Variants in PDIA3 observed in about 807,000 individuals in gnomAD.
PDIA3 encodes the protein protein disulfide-isomerase A3.
A neutral mutation model predicts 56.9 loss-of-function variants in PDIA3; 16 were observed. That is an observed-to-expected ratio of 0.28 (90% CI 0.19 to 0.43). PDIA3 has a LOEUF of 0.43. PDIA3 is among the 20% of genes least tolerant of loss of function. The pLI, the probability that PDIA3 is intolerant of heterozygous loss-of-function variation, is 1.00. For missense variants in PDIA3, 485 were observed against 621.3 expected, an observed-to-expected ratio of 0.78 and a Z score of 2.33; for synonymous variants, 192 against 216.5, an observed-to-expected ratio of 0.89 and a Z score of 0.99.
chr15:43,751,146 A>T lies in PDIA3; in HGVS notation c.168-2678A>T, dbSNP rs201556703. Among the ~76,000 whole-genome samples the T allele has an allele frequency of 7.8e-3, 1,030 of 131,558 alleles. 22 individuals carry two copies. Among genetic ancestry groups the T allele is most frequent in the African/African-American group, 0.022 (896 of 40,196 alleles). The allele number at this position is 131,558 out of a possible 152,430, so 86.3% of individuals were successfully genotyped here. A position where few individuals can be genotyped will look rare whatever the true frequency, so the allele number is the denominator to read the frequency against. On this transcript the variant is annotated intron_variant, in intron 1 of 12. Coordinates refer to ENST00000300289, the MANE Select transcript of PDIA3 (RefSeq NM_005313.5). ...GACTCCGTCTCGAAAAAAAAAAAAAAAATAATATATGTGCTAATTTCTTTA... is the reference window on the plus strand; with the variant it reads ...GACTCCGTCTCGAAAAAAAAAAAAATAATAATATATGTGCTAATTTCTTTA...
chr15:43,763,108 C>G lies in PDIA3; in HGVS notation c.504C>G (p.His168Gln), dbSNP rs1181031552. Reference sequence around the variant, plus strand: ...TCGATGATTCATTCAGTGAGGCTCACTCCGAGTTCCTAAAAGCAGCCAGCA... The same window carrying G: ...TCGATGATTCATTCAGTGAGGCTCAGTCCGAGTTCCTAAAAGCAGCCAGCA... ...GFFDDSFSEA[H>Q]SEFLKAASNL... Residue 168 changes from histidine (H) to glutamine (Q), a missense_variant, in exon 5 of 13, where the codon CAC (histidine) becomes CAG (glutamine). His to Gln is a conservative substitution (Grantham distance 24). Transcript: ENST00000300289. The G allele has an allele frequency of 6.2e-7, 1 of 1,614,120 alleles. No homozygotes were observed. The highest frequency in any genetic ancestry group is 1.1e-5 in the South Asian group (1 of 91,084).
intron 9 of PDIA3, 111 bp downstream of exon 9, chr15:43,768,708 T>G: frequency 1.4e-6 from 1 of 711,104 alleles, no homozygotes; most frequent in Non-Finnish European, 2.4e-6. Flanking sequence ...TTTTTTTTTT[T>G]GTCCTTACTC....
intron 1 of PDIA3, chr15:43,747,224 A>C (rs971292283): frequency 1.3e-5 from 2 of 154,760 alleles, no homozygotes; most frequent in African/African-American, 4.8e-5. Context: ...TTCTTGAGGC[A>C]GGTAATTTGT....
In PDIA3 at chr15:43,756,758, G is replaced by C; in HGVS notation, c.356G>C (p.Arg119Thr). Residue 119 changes from arginine (R) to threonine (T), a missense_variant, in exon 3 of 13, where the codon AGG becomes ACG. Arg to Thr is a moderately conservative substitution (Grantham distance 71). Coordinates refer to ENST00000300289, the MANE Select transcript of PDIA3 (RefSeq NM_005313.5). Reference sequence around the variant, plus strand: ...GAAGCAGGTGCTTATGATGGACCTAGGACTGCTGGTAAGGATCCTGAATTA... The same window carrying C: ...GAAGCAGGTGCTTATGATGGACCTACGACTGCTGGTAAGGATCCTGAATTA... The part of the protein sequence containing the change: ...GEEAGAYDGP[R>T]TADGIVSHLK... 1 of 1,551,212 alleles carries C rather than the reference G, an allele frequency of 6.4e-7. No homozygotes were observed. Among genetic ancestry groups the C allele is most frequent in the Non-Finnish European group, 8.9e-7 (1 of 1,125,126 alleles).
chr15:43,751,317 C>G (rs907977577), intron 1 of PDIA3, among the ~76,000 whole-genome samples: 4 of 151,768 alleles, frequency 2.6e-5, no homozygotes, highest in African/African-American at 9.7e-5. Flanking sequence ...ACTGGTGTTC[C>G]TATAAGGAAA....
At chr15:43,756,144 A>G (rs1222114193) in intron 2 of PDIA3, among the ~76,000 whole-genome samples, 1 of 152,150 alleles carries the variant, frequency 6.6e-6, no homozygotes, top group Non-Finnish European at 1.5e-5. Context: ...TAGATCGGTT[A>G]TGTTATGGTA....
In PDIA3 at chr15:43,769,541, T is replaced by A; in HGVS notation, c.1161T>A (p.Asp387Glu). The A allele has an allele frequency of 6.2e-7, 1 of 1,613,136 alleles. No individual in the cohort carries two copies. Among genetic ancestry groups the A allele is most frequent in the Non-Finnish European group, 8.5e-7 (1 of 1,179,052 alleles). The change falls in exon 10 of 13, where the codon GAT (aspartate) becomes GAA (glutamate). Residue 387 changes from aspartate to glutamate, a missense_variant. Coordinates refer to ENST00000300289, the MANE Select transcript of PDIA3 (RefSeq NM_005313.5). The stretch of plus-strand genomic sequence containing the variant: ...AGGTAGTGGTAGCAGAGAATTTTGA[T>A]GAAATAGTGAATAATGAAAATAAAG... The part of the protein sequence containing the change: ...PVKVVVAENF[D>E]EIVNNENKDV...
At chr15:43,757,414 C>T (rs1037406805) in intron 3 of PDIA3, among the ~76,000 whole-genome samples, 3 of 151,548 alleles carry the variant, frequency 2.0e-5, no homozygotes, top group East Asian at 1.9e-4. Flanking sequence ...AAAAATTAGC[C>T]GGGCGTGGTG....
chr15:43,763,810 AG>A (rs2086832466), intron 5 of PDIA3, among the ~76,000 whole-genome samples: 1 of 151,562 alleles, frequency 6.6e-6, no homozygotes, highest in Non-Finnish European at 1.5e-5. Flanking sequence ...ATATTCATAG[AG>A]GGGGTGACTC....
chr15:43,759,904 A>T (rs549930586), intron 3 of PDIA3, among the ~76,000 whole-genome samples: 1 of 152,146 alleles, frequency 6.6e-6, no homozygotes, highest in Non-Finnish European at 1.5e-5. Context: ...ACCAGCCAAC[A>T]TAGTGAAACC....
In PDIA3 at chr15:43,771,454, A is replaced by C; in HGVS notation, c.*236A>C. On this transcript the variant is annotated 3_prime_UTR_variant, in exon 13 of 13. Coordinates refer to ENST00000300289, the MANE Select transcript of PDIA3 (RefSeq NM_005313.5). ...GGAAAAATTATTTGTGTTGGGGGAA[A>C]TGTTGTGGGGGTGGGGTTGAGTTGG... 2.5e-6 allele frequency: 1 copy of C among 404,440 alleles called. No homozygotes were observed. Among genetic ancestry groups the C allele is most frequent in the Non-Finnish European group, 4.3e-6 (1 of 232,884 alleles). The allele number at this position is 404,440 out of a possible 1,614,324, so 25.1% of individuals were successfully genotyped here. A position where few individuals can be genotyped will look rare whatever the true frequency, so the allele number is the denominator to read the frequency against.
chr15:43,749,623 T>C (rs1235434436), intron 1 of PDIA3, among the ~76,000 whole-genome samples: 3 of 151,976 alleles, frequency 2.0e-5, no homozygotes, highest in Non-Finnish European at 2.9e-5. Context: ...GGAAACCCCA[T>C]CTCTACTAAA....
intron 3 of PDIA3, among the ~76,000 whole-genome samples, chr15:43,760,494 T>C (rs2086807525): frequency 1.3e-5 from 2 of 151,652 alleles, no homozygotes. Context: ...AGTGAAACAC[T>C]ATGCATTGTA....
intron 1 of PDIA3, among the ~76,000 whole-genome samples, chr15:43,749,742 C>A (rs2086731396): frequency 6.6e-6 from 1 of 152,026 alleles, no homozygotes; most frequent in South Asian, 2.1e-4. Flanking sequence ...AGGTAAGAGA[C>A]CAGCCTGGGC....
intron 2 of PDIA3, among the ~76,000 whole-genome samples, chr15:43,754,786 G>A (rs1377565447): frequency 6.6e-6 from 1 of 151,704 alleles, no homozygotes; most frequent in Non-Finnish European, 1.5e-5. Flanking sequence ...ACCAGCCTGG[G>A]CAACATGGCA....
At chr15:43,760,797 CTG>C (rs1244093807) in intron 3 of PDIA3, among the ~76,000 whole-genome samples, 1 of 151,436 alleles carries the variant, frequency 6.6e-6, no homozygotes, top group African/African-American at 2.4e-5. Flanking sequence ...TCCCAAAGTG[CTG>C]TGATTACAGG....
chr15:43,752,920 G>A lies in PDIA3; in HGVS notation c.168-904G>A, dbSNP rs2086754097. On this transcript the variant is annotated intron_variant, in intron 1 of 12. Transcript: ENST00000300289. ...TTAGGATTTTCTGGGCAGAGGAGCCGGTGCTTCTGGTGGCCCTCTGGGAAA... is the reference window on the plus strand; with the variant it reads ...TTAGGATTTTCTGGGCAGAGGAGCCAGTGCTTCTGGTGGCCCTCTGGGAAA... The A allele has an allele frequency of 1.4e-4, 66 of 467,242 alleles. 1 individual carries two copies. Among genetic ancestry groups the A allele is most frequent in the South Asian group, 9.3e-4 (60 of 64,284 alleles). The allele number at this position is 467,242 out of a possible 1,614,324, so 28.9% of individuals were successfully genotyped here.
intron 5 of PDIA3, among the ~76,000 whole-genome samples, 180 bp from the exon 6 acceptor site, chr15:43,765,270 A>C (rs2086840635): frequency 6.6e-6 from 1 of 151,928 alleles, no homozygotes; most frequent in African/African-American, 2.4e-5. Flanking sequence ...GTTCTCAGCT[A>C]TTTGGGCAGC....
intron 5 of PDIA3, 135 bp downstream of exon 5, chr15:43,763,341 C>T: frequency 1.0e-6 from 1 of 952,788 alleles, no homozygotes; most frequent in Non-Finnish European, 1.6e-6. Flanking sequence ...CAGCCTCCAC[C>T]TCCCAGGTTC....
Sources: allele counts gnomAD v4.1 joint callset (sites outside exome capture counted in the v4.1 genomes callset), GRCh38; gene constraint gnomAD v4.1.1; transcripts MANE v1.5; gene names NCBI Gene and HGNC (gene_info 2026-07-23, HGNC 2026-07-21).